ELAVL2: variants seen among roughly 807,000 people sequenced by gnomAD.
ELAVL2 encodes ELAV-like protein 2.
ELAVL2 carries 4 observed loss-of-function variants against 34.6 expected under a neutral mutation model. The observed-to-expected ratio is 0.12, with a 90% CI of 0.06 to 0.26. The LOEUF is 0.26. Ranked by LOEUF, ELAVL2 falls within the 10% of genes least tolerant of loss-of-function variation. The probability of loss-of-function intolerance (pLI) is 1.00; values close to 1 mark genes in which losing one functional copy is unlikely to be tolerated. For missense variants in ELAVL2, 432 were observed against 442.8 expected, an observed-to-expected ratio of 0.98 and a Z score of 0.22; for synonymous variants, 193 against 154.8, an observed-to-expected ratio of 1.25 and a Z score of -1.83.
intron 1 of ELAVL2, among the ~76,000 whole-genome samples, chr9:23,803,671 C>T (rs1327828183): frequency 6.6e-6 from 1 of 152,120 alleles, no homozygotes; most frequent in Non-Finnish European, 1.5e-5. Context: ...CACCCATGTT[C>T]CAATAATCAA....
intron 1 of ELAVL2, among the ~76,000 whole-genome samples, chr9:23,818,156 G>A (rs1041086610): frequency 6.6e-6 from 1 of 152,138 alleles, no homozygotes. Flanking sequence ...AATGGCCAAA[G>A]CAAGAAAAAA....
chr9:23,710,565 C>A (rs1267753716), intron 3 of ELAVL2, among the ~76,000 whole-genome samples: 1 of 152,210 alleles, frequency 6.6e-6, no homozygotes, highest in African/African-American at 2.4e-5. Context: ...AAGATCACCA[C>A]TGAACAACTT....
chr9:23,845,164 A>G, the ELAVL2 span, among the ~76,000 whole-genome samples: 1 of 151,816 alleles, frequency 6.6e-6, no homozygotes, highest in Non-Finnish European at 1.5e-5. Flanking sequence ...AGTTAATTAT[A>G]CCATAAATTT....
intron 1 of ELAVL2, among the ~76,000 whole-genome samples, chr9:23,806,324 T>A (rs925129026): frequency 6.6e-6 from 1 of 152,118 alleles, no homozygotes; most frequent in Non-Finnish European, 1.5e-5. Flanking sequence ...TTTAAAGACA[T>A]AGGACCTATT....
the ELAVL2 span, among the ~76,000 whole-genome samples, chr9:23,838,416 G>A: frequency 6.6e-6 from 1 of 152,054 alleles, no homozygotes; most frequent in African/African-American, 2.4e-5. Flanking sequence ...TAGATAAAGA[G>A]AGAGGTCAGA....
chr9:23,820,394 T>C (rs960013837), intron 1 of ELAVL2, among the ~76,000 whole-genome samples: 10 of 152,146 alleles, frequency 6.6e-5, no homozygotes, highest in African/African-American at 2.2e-4. Context: ...TAAGAACCGT[T>C]CTTTGAGGGA....
At chr9:23,699,177 T>A (rs1212079404) in intron 5 of ELAVL2, among the ~76,000 whole-genome samples, 1 of 152,190 alleles carries the variant, frequency 6.6e-6, no homozygotes, top group Non-Finnish European at 1.5e-5. Flanking sequence ...AAGAACATCC[T>A]GTAAAGCTTT....
At chr9:23,703,529 C>T (rs1368572846) in intron 4 of ELAVL2, among the ~76,000 whole-genome samples, 8 of 152,012 alleles carry the variant, frequency 5.3e-5, no homozygotes, top group Admixed American at 2.0e-4. Context: ...GTAGTGCTAG[C>T]TCTCTCTACT....
At chr9:23,828,437 A>T (rs2065397118), upstream of ELAVL2, among the ~76,000 whole-genome samples, 1 of 152,234 alleles carries the variant, frequency 6.6e-6, no homozygotes, top group African/African-American at 2.4e-5. Flanking sequence ...ATCCACAAAA[A>T]AAGACTTGTA....
intron 1 of ELAVL2, among the ~76,000 whole-genome samples, chr9:23,778,581 G>GC (rs766888321): frequency 3.3e-5 from 5 of 152,106 alleles, no homozygotes; most frequent in African/African-American, 4.8e-5. Flanking sequence ...TCCGGCCCCT[G>GC]CAAGGGCTGG....
At chr9:23,820,168 G>A (rs2064349909) in intron 1 of ELAVL2, among the ~76,000 whole-genome samples, 1 of 152,136 alleles carries the variant, frequency 6.6e-6, no homozygotes, top group Admixed American at 6.6e-5. Context: ...ACTCTTCAAG[G>A]GCAACAAAAC....
intron 1 of ELAVL2, among the ~76,000 whole-genome samples, chr9:23,817,781 T>A (rs746245181): frequency 3.9e-5 from 6 of 152,182 alleles, no homozygotes; most frequent in Non-Finnish European, 7.4e-5. Context: ...TAGTGAAAAA[T>A]GTCCTAAGTA....
intron 4 of ELAVL2, among the ~76,000 whole-genome samples, chr9:23,703,682 C>A (rs1165298044): frequency 6.6e-6 from 1 of 152,230 alleles, no homozygotes; most frequent in Non-Finnish European, 1.5e-5. Context: ...CTTCTGAAGT[C>A]ACTGCTTTAA....
intron 1 of ELAVL2, among the ~76,000 whole-genome samples, chr9:23,790,132 G>A (rs923802425): frequency 6.6e-6 from 1 of 151,886 alleles, no homozygotes; most frequent in Admixed American, 6.6e-5. Flanking sequence ...TTGGTTAGAG[G>A]ACCAATGTAA....
intron 1 of ELAVL2, among the ~76,000 whole-genome samples, chr9:23,779,613 G>T (rs1317072153): frequency 3.3e-5 from 5 of 151,972 alleles, no homozygotes; most frequent in African/African-American, 1.2e-4. Context: ...ATTACAGTTT[G>T]GTTAAAATCT....
At chr9:23,751,052 C>T (rs1422032684) in intron 2 of ELAVL2, among the ~76,000 whole-genome samples, 2 of 152,032 alleles carry the variant, frequency 1.3e-5, no homozygotes, top group African/African-American at 2.4e-5. Flanking sequence ...GTCAAGGGCC[C>T]CATCAGATCT....
chr9:23,805,299 C>A (rs569408297), intron 1 of ELAVL2, among the ~76,000 whole-genome samples: 1 of 152,076 alleles, frequency 6.6e-6, no homozygotes, highest in Non-Finnish European at 1.5e-5. Flanking sequence ...ATAAATAAAA[C>A]GGTACAAACA....
chr9:23,774,933 GC>G (rs2136462377), intron 1 of ELAVL2, among the ~76,000 whole-genome samples: 1 of 152,160 alleles, frequency 6.6e-6, no homozygotes, highest in East Asian at 1.9e-4. Context: ...AATGGATCAG[GC>G]AAATGATCCA....
chr9:23,831,188 T>A (rs962748436), upstream of ELAVL2, among the ~76,000 whole-genome samples: 9 of 152,190 alleles, frequency 5.9e-5, no homozygotes, highest in African/African-American at 2.2e-4. Context: ...AAGATTTATG[T>A]TTCCACTTGT....
Sources: gnomAD v4.1 joint callset for allele counts (sites outside exome capture counted in the v4.1 genomes callset) on GRCh38, gnomAD v4.1.1 for gene constraint, MANE v1.5 for transcripts, NCBI Gene and HGNC (gene_info 2026-07-23, HGNC 2026-07-21) for gene names.